TRPC5: variants seen among roughly 807,000 people sequenced by gnomAD.
TRPC5 encodes the protein short transient receptor potential channel 5.
In TRPC5, 9 loss-of-function variants were observed where a neutral mutation model predicts 56.5. The ratio of observed to expected loss-of-function variants is 0.16; its 90% CI spans 0.10 to 0.28. The LOEUF is 0.28. Among genes scored for constraint, TRPC5 ranks in the 10% least tolerant of loss-of-function variants. The probability of loss-of-function intolerance (pLI) is 1.00; values close to 1 mark genes in which losing one functional copy is unlikely to be tolerated. For synonymous variants in TRPC5, 282 were observed against 278.5 expected, an observed-to-expected ratio of 1.01 and a Z score of -0.13; for missense variants, 469 against 748.9, an observed-to-expected ratio of 0.63 and a Z score of 4.36.
intron 1 of TRPC5, among the ~76,000 whole-genome samples, chrX:111,960,527 G>A (rs985876351): frequency 1.8e-5 from 2 of 112,129 alleles, no homozygotes; most frequent in Admixed American, 9.5e-5. Flanking sequence ...CTTTGTCTGC[G>A]TGATATTCTT....
At chrX:112,017,494 G>A (rs1052573875) in intron 1 of TRPC5, among the ~76,000 whole-genome samples, 1 of 109,942 alleles carries the variant, frequency 9.1e-6, no homozygotes, top group Admixed American at 9.8e-5. Context: ...ACTATTTTAC[G>A]GGATATGAGA....
chrX:111,786,418 C>CTAAACATGGA (rs1450798020), intron 7 of TRPC5, among the ~76,000 whole-genome samples: 1 of 111,499 alleles, frequency 9.0e-6, no homozygotes, highest in Non-Finnish European at 1.9e-5. Flanking sequence ...GAATGAAGCA[C>CTAAACATGGA]TAAACATGGA....
chrX:111,910,968 TA>T (rs762966796), intron 3 of TRPC5, among the ~76,000 whole-genome samples: 7 of 112,762 alleles, frequency 6.2e-5, no homozygotes, highest in Admixed American at 1.9e-4. Flanking sequence ...TTAAAGCAGG[TA>T]AATGGCAAAA....
chrX:112,027,405 T>C (rs982998577), intron 1 of TRPC5, among the ~76,000 whole-genome samples: 3 of 112,276 alleles, frequency 2.7e-5, no homozygotes, highest in African/African-American at 9.7e-5. Flanking sequence ...GAAAACACCC[T>C]CAGCCCTGAG....
chrX:111,841,339 A>T (rs1489279880), intron 6 of TRPC5, among the ~76,000 whole-genome samples: 4 of 112,066 alleles, frequency 3.6e-5, no homozygotes, highest in Admixed American at 2.8e-4. Context: ...CCAGTCTTAC[A>T]CCTGTATCCC....
chrX:111,865,583 C>T (rs369757055), intron 3 of TRPC5, among the ~76,000 whole-genome samples: 1 of 111,099 alleles, frequency 9.0e-6, no homozygotes, highest in East Asian at 2.8e-4. Flanking sequence ...ACCTTGGCCT[C>T]CCAAAGTGCT....
intron 2 of TRPC5, among the ~76,000 whole-genome samples, chrX:111,951,824 T>C (rs12008332): frequency 0.021 from 2,330 of 111,725 alleles, 58 homozygotes; most frequent in African/African-American, 0.07. Context: ...CAGTGAGTAC[T>C]GAATGTATAT....
chrX:111,859,477 T>G (rs1277506386), intron 3 of TRPC5, among the ~76,000 whole-genome samples: 1 of 112,585 alleles, frequency 8.9e-6, no homozygotes, highest in Non-Finnish European at 1.9e-5. Flanking sequence ...CACACAGGCC[T>G]TTTAAATCGG....
chrX:111,813,393 A>G (rs191655081), intron 7 of TRPC5, among the ~76,000 whole-genome samples: 1 of 112,300 alleles, frequency 8.9e-6, no homozygotes, highest in East Asian at 2.8e-4. Context: ...CTCTGATTGT[A>G]GAGCACACCC....
At chrX:111,881,135 GATTTTCTTTTGTTT>G (rs1225593281) in intron 3 of TRPC5, among the ~76,000 whole-genome samples, 1 of 99,422 alleles carries the variant, frequency 1.0e-5, no homozygotes, top group African/African-American at 4.8e-5. Context: ...GTTGTTTTGT[GATTTTCTTTTGTTT>G]ATTTTATTTT....
chrX:111,809,763 G>T (rs1403215382), intron 7 of TRPC5, among the ~76,000 whole-genome samples: 2 of 110,951 alleles, frequency 1.8e-5, no homozygotes, highest in Non-Finnish European at 3.8e-5. Context: ...TGCCTCCTCA[G>T]TTACCATTTT....
intron 2 of TRPC5, among the ~76,000 whole-genome samples, chrX:111,936,936 G>T (rs1160596214): frequency 3.8e-5 from 4 of 104,252 alleles, no homozygotes; most frequent in South Asian, 4.1e-4. Flanking sequence ...TTCCACAAGG[G>T]TTGAACTAGT....
chrX:111,842,289 C>T (rs754033967), intron 6 of TRPC5, among the ~76,000 whole-genome samples: 1 of 106,685 alleles, frequency 9.4e-6, no homozygotes, highest in African/African-American at 3.5e-5. Flanking sequence ...AGGTGCCCAC[C>T]ACCACACCTG....
chrX:111,996,142 C>A (rs1399657618), intron 1 of TRPC5, among the ~76,000 whole-genome samples: 2 of 112,069 alleles, frequency 1.8e-5, no homozygotes, highest in African/African-American at 6.5e-5. Context: ...TTTCCCTCTA[C>A]ACACTGCTTT....
chrX:112,064,444 G>A (rs1024416067), intron 1 of TRPC5, among the ~76,000 whole-genome samples: 1 of 111,932 alleles, frequency 8.9e-6, no homozygotes, highest in Non-Finnish European at 1.9e-5. Context: ...GGGGGCAACT[G>A]GAAGAAAGAT....
At chrX:112,006,365 G>C (rs774875146) in intron 1 of TRPC5, among the ~76,000 whole-genome samples, 2 of 111,931 alleles carry the variant, frequency 1.8e-5, no homozygotes, top group Non-Finnish European at 3.8e-5. Flanking sequence ...TACTTATTTA[G>C]TGTTTACTAA....
chrX:111,861,452 C>T (rs1294546632), intron 3 of TRPC5, among the ~76,000 whole-genome samples: 1 of 111,717 alleles, frequency 9.0e-6, no homozygotes, highest in Non-Finnish European at 1.9e-5. Flanking sequence ...TATTTTTAAG[C>T]AAAATGTACA....
In TRPC5 at chrX:111,787,853, A is replaced by C. The variant is rs568329538; in HGVS notation, c.1897-5715T>G. Reference sequence around the variant, plus strand: ...TCCTCGACACATACACCCTCCCAAGACTAAACCAGGAAGAAGTTGAATCTC... The same window carrying C: ...TCCTCGACACATACACCCTCCCAAGCCTAAACCAGGAAGAAGTTGAATCTC... On this transcript the variant is annotated intron_variant, in intron 7 of 10. Transcript: ENST00000262839. Among the ~76,000 whole-genome samples the C allele has an allele frequency of 5.4e-5, 6 of 111,688 alleles. No individual in the cohort carries two copies. In the South Asian group the frequency reaches 1.9e-3, roughly 35 times the overall value.
chrX:111,950,925 A>G (rs1374365546), intron 2 of TRPC5, among the ~76,000 whole-genome samples: 5 of 111,970 alleles, frequency 4.5e-5, no homozygotes, highest in Non-Finnish European at 7.5e-5. Context: ...TAATCTGCCT[A>G]TTGTAAGTTC....
Sources: allele counts gnomAD v4.1 joint callset (sites outside exome capture counted in the v4.1 genomes callset), GRCh38; gene constraint gnomAD v4.1.1; transcripts MANE v1.5; gene names NCBI Gene and HGNC (gene_info 2026-07-23, HGNC 2026-07-21).